Variants in PLXNC1 observed in about 807,000 individuals in gnomAD.
PLXNC1 encodes plexin C1.
PLXNC1 carries 75 observed loss-of-function variants against 178.2 expected under a neutral mutation model. The observed-to-expected ratio is 0.42, with a 90% CI of 0.35 to 0.51. The LOEUF (loss-of-function observed/expected upper bound fraction) is 0.51. Ranked by LOEUF, PLXNC1 falls within the 20% of genes least tolerant of loss-of-function variation. The pLI is 0.02. For synonymous variants in PLXNC1, 790 were observed against 779.9 expected (o/e 1.01, Z -0.22); for missense variants, 1,503 against 1,984.4 (o/e 0.76, Z 4.61).
chr12:94,268,588 C>CTTTTTTTTTTTTTTTTT lies in PLXNC1; in HGVS notation c.3597+3371_3597+3387dup, dbSNP rs61265662. Among the ~76,000 whole-genome samples, 413 of 90,850 alleles carry CTTTTTTTTTTTTTTTTT rather than the reference C, an allele frequency of 4.5e-3. 20 individuals are homozygous for CTTTTTTTTTTTTTTTTT. The highest frequency in any genetic ancestry group is 0.017 in the Middle Eastern group (2 of 120). 59.6% of individuals were successfully genotyped at this position (90,850 alleles called of 152,430 possible). On this transcript the variant is annotated intron_variant, in intron 21 of 30. Transcript: ENST00000258526. Reference sequence around the variant, plus strand: ...TCAGACAGCTGGAAGAGAATAAGACCTTTTTTTTTTTTTTTTTTTTTTTTA... The same window carrying CTTTTTTTTTTTTTTTTT: ...TCAGACAGCTGGAAGAGAATAAGACCTTTTTTTTTTTTTTTTTTTTTTTTTTTTTTTTTTTTTTTTTA...
At chr12:94,222,315 C>T (rs1243877974) in intron 6 of PLXNC1, among the ~76,000 whole-genome samples, 1 of 152,186 alleles carries the variant, frequency 6.6e-6, no homozygotes, top group African/African-American at 2.4e-5. Flanking sequence ...AACAAATTTG[C>T]TTCCCAGCCT....
At position 94,291,069 on chromosome 12, in the gene PLXNC1, C is replaced by G. The variant is rs1290943427; in HGVS notation, c.3880-3417C>G. ...TGCTTGGGGATTTGCGAGTGCCCAT[C>G]AGGGTGTGGGGGAGGGGCACTGTAG... is the stretch of plus-strand genomic sequence containing the variant. On this transcript the variant is annotated intron_variant, in intron 23 of 30. Coordinates refer to ENST00000258526, the MANE Select transcript of PLXNC1 (RefSeq NM_005761.3). Among the ~76,000 whole-genome samples, 4 of 152,318 alleles carry G rather than the reference C, an allele frequency of 2.6e-5. No homozygotes were observed. In the East Asian group the frequency reaches 7.7e-4, roughly 29 times the overall value.
At chr12:94,257,788 T>C (rs915394851) in intron 17 of PLXNC1, among the ~76,000 whole-genome samples, 1 of 152,072 alleles carries the variant, frequency 6.6e-6, no homozygotes, top group Non-Finnish European at 1.5e-5. Context: ...GCGCCTGTAG[T>C]CCCAGCTACT....
chr12:94,272,580 C>T (rs751629012), intron 21 of PLXNC1, among the ~76,000 whole-genome samples: 10 of 152,164 alleles, frequency 6.6e-5, no homozygotes, highest in African/African-American at 2.4e-4. Context: ...TGGCTGCCAC[C>T]GCTCCAAGCA....
chr12:94,243,933 T>C lies in PLXNC1; in HGVS notation c.2301-5T>C, dbSNP rs1333646740. On this transcript the variant is annotated splice_polypyrimidine_tract_variant and splice_region_variant and intron_variant, in intron 11 of 30. Transcript: ENST00000258526. Reference sequence around the variant, plus strand: ...AACCCTTATTGTTGCTTTTATTCCTTGCAGTGGTGGTCAAAATATAACCAT... The same window carrying C: ...AACCCTTATTGTTGCTTTTATTCCTCGCAGTGGTGGTCAAAATATAACCAT... The C allele has an allele frequency of 1.0e-5, 16 of 1,532,730 alleles. No homozygotes were observed. Among genetic ancestry groups the C allele is most frequent in the Non-Finnish European group, 1.3e-5 (14 of 1,109,946 alleles). 94.9% of individuals were successfully genotyped at this position (1,532,730 alleles called of 1,614,324 possible). A position where few individuals can be genotyped will look rare whatever the true frequency, so the allele number is the denominator to read the frequency against.
chr12:94,259,580 TTATAC>T, intron 18 of PLXNC1, 25 bp from the exon 19 acceptor site: 2 of 1,485,798 alleles, frequency 1.3e-6, no homozygotes, highest in East Asian at 2.5e-5. Context: ...TGATTTTGTA[TTATAC>T]TATATATTTT....
intron 6 of PLXNC1, among the ~76,000 whole-genome samples, chr12:94,222,289 A>G (rs1051890556): frequency 6.6e-6 from 1 of 152,168 alleles, no homozygotes; most frequent in African/African-American, 2.4e-5. Context: ...AATATCTTAC[A>G]TATTCTGAAC....
intron 23 of PLXNC1, 137 bp from the exon 24 acceptor site, chr12:94,294,349 G>C: frequency 5.4e-6 from 3 of 560,270 alleles, no homozygotes; most frequent in South Asian, 2.0e-5. Context: ...ACAGTGCCCA[G>C]AACATAGTAA....
In PLXNC1 at chr12:94,279,456, G is replaced by A. The variant is rs774551027; in HGVS notation, c.3598-16G>A. ...AATTATCTAATAGACTTGGAAACCT[G>A]TTTGTACTCTTGCAGGCATTAAACG... On this transcript the variant is annotated splice_polypyrimidine_tract_variant and intron_variant, in intron 21 of 30. Coordinates refer to ENST00000258526, the MANE Select transcript of PLXNC1 (RefSeq NM_005761.3). 1 of 1,603,168 alleles carries A rather than the reference G, an allele frequency of 6.2e-7. No homozygotes were observed. Among genetic ancestry groups the A allele is most frequent in the Non-Finnish European group, 8.5e-7 (1 of 1,173,602 alleles).
intron 21 of PLXNC1, among the ~76,000 whole-genome samples, chr12:94,266,631 T>C (rs1965260677): frequency 6.6e-6 from 1 of 152,156 alleles, no homozygotes; most frequent in Non-Finnish European, 1.5e-5. Context: ...GGCCAGACAT[T>C]TTGGAATCCT....
chr12:94,252,701 G>C (rs1174918217), intron 15 of PLXNC1, among the ~76,000 whole-genome samples: 1 of 152,174 alleles, frequency 6.6e-6, no homozygotes, highest in Non-Finnish European at 1.5e-5. Context: ...CAGTTTATTA[G>C]AGCTGAGTAG....
At position 94,297,172 on chromosome 12, in the gene PLXNC1, CTT is replaced by C; in HGVS notation, c.3935-15_3935-14del. The C allele has an allele frequency of 1.2e-6, 2 of 1,613,564 alleles. No individual in the cohort carries two copies. The highest frequency in any genetic ancestry group is 1.7e-5 in the Admixed American group (1 of 60,014). ...TTTTAATGGACTGCTTTCTCTCCCTCTTTCTCTGGCATTCAGATGTGGAGTAC... is the reference window on the plus strand; with the variant it reads ...TTTTAATGGACTGCTTTCTCTCCCTCTCTCTGGCATTCAGATGTGGAGTAC... On this transcript the variant is annotated splice_polypyrimidine_tract_variant and intron_variant, in intron 24 of 30. Transcript: ENST00000258526.
In PLXNC1 at chr12:94,222,752, C is replaced by T. The variant is rs575219490; in HGVS notation, c.1703-1476C>T. Among the ~76,000 whole-genome samples the T allele has an allele frequency of 1.6e-3, 247 of 151,892 alleles. 2 individuals carry two copies. Among genetic ancestry groups the T allele is most frequent in the Non-Finnish European group, 2.7e-3 (182 of 67,966 alleles). ...GTATGACTTTTGCAGTCTTCATCAC[C>T]GGACACTTATAGATTCCACTGGAGT... On this transcript the variant is annotated intron_variant, in intron 6 of 30. Coordinates refer to ENST00000258526, the MANE Select transcript of PLXNC1 (RefSeq NM_005761.3).
At chr12:94,195,268 A>C (rs1962872887) in intron 4 of PLXNC1, among the ~76,000 whole-genome samples, 1 of 151,988 alleles carries the variant, frequency 6.6e-6, no homozygotes, top group Non-Finnish European at 1.5e-5. Context: ...CTCCCACCCC[A>C]CCCTTCCTGG....
intron 23 of PLXNC1, among the ~76,000 whole-genome samples, chr12:94,284,600 A>G (rs1191749674): frequency 6.6e-6 from 1 of 151,826 alleles, no homozygotes; most frequent in Non-Finnish European, 1.5e-5. Context: ...GTCCTACGAG[A>G]TAGGTACTAT....
intron 4 of PLXNC1, among the ~76,000 whole-genome samples, chr12:94,197,434 C>CT (rs1565805265): frequency 9.5e-5 from 1 of 10,538 alleles, no homozygotes; most frequent in Admixed American, 1.1e-3. Flanking sequence ...ACATTAGGCC[C>CT]CTTTCTCTCT....
At chr12:94,163,820 C>A (rs764553317) in intron 1 of PLXNC1, among the ~76,000 whole-genome samples, 23 of 152,130 alleles carry the variant, frequency 1.5e-4, no homozygotes, top group Admixed American at 3.3e-4. Flanking sequence ...TTAGTCAGAT[C>A]CCGGTCAACA....
intron 9 of PLXNC1, among the ~76,000 whole-genome samples, chr12:94,227,786 A>T (rs757165024): frequency 2.0e-5 from 3 of 152,208 alleles, no homozygotes; most frequent in African/African-American, 4.8e-5. Context: ...TATTTTCTTC[A>T]TAGTAAATTA....
chr12:94,267,286 A>G (rs1965297007), intron 21 of PLXNC1, among the ~76,000 whole-genome samples: 1 of 152,234 alleles, frequency 6.6e-6, no homozygotes, highest in African/African-American at 2.4e-5. Context: ...TGTCTGAGGC[A>G]ACTTTTGAGG....
Sources: gnomAD v4.1 joint callset for allele counts (sites outside exome capture counted in the v4.1 genomes callset) on GRCh38, gnomAD v4.1.1 for gene constraint, MANE v1.5 for transcripts, NCBI Gene and HGNC (gene_info 2026-07-23, HGNC 2026-07-21) for gene names.